MALRD1: variants seen among roughly 807,000 people sequenced by gnomAD.
MALRD1 encodes MAM and LDL-receptor class A domain-containing protein 1.
A neutral mutation model predicts 242.1 loss-of-function variants in MALRD1; 247 were observed. The observed-to-expected ratio is 1.02, with a 90% CI of 0.92 to 1.13. The LOEUF is 1.13. MALRD1 is among the 50% of genes most tolerant of loss of function. The pLI is 0.00. For missense variants in MALRD1, 2,989 were observed against 2,533.1 expected, an observed-to-expected ratio of 1.18 and a Z score of -3.86; for synonymous variants, 995 against 866.6, an observed-to-expected ratio of 1.15 and a Z score of -2.60.
chr10:19,696,860 G>A (rs982815339), intron 38 of MALRD1, among the ~76,000 whole-genome samples: 3 of 152,074 alleles, frequency 2.0e-5, no homozygotes, highest in Non-Finnish European at 2.9e-5. Flanking sequence ...AGGTTGCAGT[G>A]AGCTGAGGTC....
chr10:19,402,394 A>G (rs1056144280), intron 28 of MALRD1, among the ~76,000 whole-genome samples: 59 of 152,150 alleles, frequency 3.9e-4, no homozygotes, highest in African/African-American at 1.4e-3. Context: ...TTTCCCCTGT[A>G]CTGTTCTCTT....
intron 18 of MALRD1, among the ~76,000 whole-genome samples, chr10:19,212,808 G>A (rs574936838): frequency 3.5e-4 from 54 of 152,186 alleles, no homozygotes; most frequent in Non-Finnish European, 6.2e-4. Flanking sequence ...GTGGCGTCTC[G>A]TTTTGGTTTT....
intron 31 of MALRD1, among the ~76,000 whole-genome samples, chr10:19,513,732 C>T (rs903926926): frequency 6.9e-6 from 1 of 144,312 alleles, no homozygotes; most frequent in African/African-American, 2.5e-5. Flanking sequence ...GAGCAAGACT[C>T]CATCTCAAAA....
rs1425905122 is a variant in MALRD1, at chr10:19,690,907, G to C, written c.6138-1375G>C. Among the ~76,000 whole-genome samples, 4 of 152,052 alleles carry C rather than the reference G, an allele frequency of 2.6e-5. No individual in the cohort carries two copies. In the East Asian group the frequency reaches 7.7e-4, roughly 29 times the overall value. On this transcript the variant is annotated intron_variant, in intron 36 of 39. Transcript: ENST00000454679. ...TTTTTTTAACTGGTAATCCAAGACA[G>C]TTTTCCACTAAAATTTATCAATAGG...
chr10:19,074,037 C>A (rs939871211), intron 2 of MALRD1, among the ~76,000 whole-genome samples: 1 of 151,966 alleles, frequency 6.6e-6, no homozygotes, highest in Non-Finnish European at 1.5e-5. Flanking sequence ...TGTGCTCAGG[C>A]GATGACACAG....
chr10:19,594,273 C>T (rs531176608), intron 33 of MALRD1, among the ~76,000 whole-genome samples: 2 of 152,204 alleles, frequency 1.3e-5, no homozygotes, highest in African/African-American at 4.8e-5. Context: ...GTTTTCATGT[C>T]AATGATGCTT....
chr10:19,588,668 A>T (rs1166085938), intron 33 of MALRD1, among the ~76,000 whole-genome samples: 1 of 152,168 alleles, frequency 6.6e-6, no homozygotes, highest in Non-Finnish European at 1.5e-5. Context: ...GTAGAGACGG[A>T]GTCTTGCTCT....
chr10:19,050,512 A>G (rs1475403780), intron 1 of MALRD1, among the ~76,000 whole-genome samples: 1 of 152,078 alleles, frequency 6.6e-6, no homozygotes. Flanking sequence ...TTCAGTTGCT[A>G]TTACATTAAA....
At chr10:19,636,908 A>AC in intron 36 of MALRD1, among the ~76,000 whole-genome samples, 1 of 152,000 alleles carries the variant, frequency 6.6e-6, no homozygotes, top group African/African-American at 2.4e-5. Context: ...CAAAAAAAAA[A>AC]AAAAACGCAG....
At chr10:19,376,738 A>G (rs767229523) in intron 26 of MALRD1, among the ~76,000 whole-genome samples, 3 of 151,462 alleles carry the variant, frequency 2.0e-5, no homozygotes, top group Non-Finnish European at 4.4e-5. Flanking sequence ...ATTTTATTAG[A>G]GACGGGGTTT....
chr10:19,296,114 C>T (rs1021822810), intron 21 of MALRD1, among the ~76,000 whole-genome samples: 6 of 152,074 alleles, frequency 3.9e-5, no homozygotes. Flanking sequence ...GGGTGGGCCG[C>T]CAACTCTTGG....
chr10:19,245,482 G>C (rs984260382), intron 18 of MALRD1, among the ~76,000 whole-genome samples: 1 of 152,124 alleles, frequency 6.6e-6, no homozygotes. Context: ...TTTGATTTAA[G>C]AGGAATTGAT....
chr10:19,510,915 C>T (rs867159597), intron 31 of MALRD1, among the ~76,000 whole-genome samples: 6 of 152,102 alleles, frequency 3.9e-5, no homozygotes, highest in Admixed American at 2.0e-4. Flanking sequence ...TGTATTTATC[C>T]GTGTGCAGCA....
At chr10:19,341,510 A>G (rs903115657) in intron 24 of MALRD1, among the ~76,000 whole-genome samples, 15 of 142,698 alleles carry the variant, frequency 1.1e-4, no homozygotes, top group African/African-American at 4.0e-4. Context: ...ATGTATATAT[A>G]TGTGTGTATA....
chr10:19,426,831 A>G (rs1466541937), intron 28 of MALRD1, among the ~76,000 whole-genome samples: 1 of 152,162 alleles, frequency 6.6e-6, no homozygotes, highest in Admixed American at 6.5e-5. Flanking sequence ...ATAAATGAAA[A>G]TAAATTCTGG....
intron 5 of MALRD1, among the ~76,000 whole-genome samples, chr10:19,122,704 G>C (rs924223437): frequency 2.0e-5 from 3 of 152,000 alleles, no homozygotes; most frequent in Non-Finnish European, 4.4e-5. Flanking sequence ...TGGGGGGCTT[G>C]GGGAAAAGAA....
chr10:19,393,289 A>G (rs1846414892), intron 28 of MALRD1, among the ~76,000 whole-genome samples: 1 of 152,096 alleles, frequency 6.6e-6, no homozygotes, highest in South Asian at 2.1e-4. Context: ...ATTTAAATGC[A>G]TTACCTTCCA....
At chr10:19,458,406 A>G (rs929072849) in intron 29 of MALRD1, among the ~76,000 whole-genome samples, 2 of 152,306 alleles carry the variant, frequency 1.3e-5, no homozygotes, top group South Asian at 2.1e-4. Flanking sequence ...TTTACTAACT[A>G]TATATCATAT....
chr10:19,305,878 T>C (rs1308373564), intron 21 of MALRD1, among the ~76,000 whole-genome samples: 2 of 129,192 alleles, frequency 1.5e-5, no homozygotes, highest in East Asian at 2.1e-4. Context: ...TATTATATAA[T>C]ATATATAATA....
Sources: allele counts gnomAD v4.1 joint callset (sites outside exome capture counted in the v4.1 genomes callset), GRCh38; gene constraint gnomAD v4.1.1; transcripts MANE v1.5; gene names NCBI Gene and HGNC (gene_info 2026-07-23, HGNC 2026-07-21).